Variants in AGBL1 observed in about 807,000 individuals in gnomAD.
AGBL1 encodes AGBL carboxypeptidase 1, also known as cytosolic carboxypeptidase 4.
Under a neutral mutation model 118.9 loss-of-function variants are expected in AGBL1, and 130 were observed. That is an observed-to-expected ratio of 1.09 (90% CI 0.95 to 1.26). AGBL1 has a LOEUF of 1.26. Ranked by LOEUF, AGBL1 falls within the 50% of genes most tolerant of loss-of-function variation. AGBL1 has a pLI of 0.00. For missense variants in AGBL1, 1,584 were observed against 1,298.1 expected, an observed-to-expected ratio of 1.22 and a Z score of -3.38; for synonymous variants, 555 against 478.9, an observed-to-expected ratio of 1.16 and a Z score of -2.08.
intron 22 of AGBL1, among the ~76,000 whole-genome samples, chr15:86,788,039 T>C (rs751439543): frequency 7.2e-5 from 11 of 152,168 alleles, no homozygotes; most frequent in Non-Finnish European, 1.3e-4. Flanking sequence ...CAAAGAAATG[T>C]ACATCAACTT....
chr15:86,606,272 G>T (rs1268625777), intron 21 of AGBL1, among the ~76,000 whole-genome samples: 1 of 152,132 alleles, frequency 6.6e-6, no homozygotes, highest in Non-Finnish European at 1.5e-5. Context: ...ATATTTGGGG[G>T]AGTGAAAACA....
chr15:86,564,043 C>A (rs915631119), intron 21 of AGBL1, among the ~76,000 whole-genome samples: 7 of 152,108 alleles, frequency 4.6e-5, no homozygotes, highest in Non-Finnish European at 7.4e-5. Context: ...TGAGATGGGT[C>A]TCCTGAATAC....
At chr15:86,694,070 C>T (rs931963211) in intron 22 of AGBL1, among the ~76,000 whole-genome samples, 4 of 152,034 alleles carry the variant, frequency 2.6e-5, no homozygotes, top group African/African-American at 9.7e-5. Flanking sequence ...CTTGCTTTGG[C>T]TATGCAGGCT....
chr15:86,880,241 TTA>T (rs1461551750), intron 22 of AGBL1, among the ~76,000 whole-genome samples: 1 of 152,200 alleles, frequency 6.6e-6, no homozygotes, highest in Admixed American at 6.5e-5. Context: ...CACTATAAAA[TTA>T]TGTCAGTGAT....
intron 22 of AGBL1, among the ~76,000 whole-genome samples, chr15:86,677,372 G>A (rs1006182475): frequency 3.3e-5 from 5 of 152,060 alleles, no homozygotes; most frequent in African/African-American, 1.2e-4. Flanking sequence ...GCATACTCAC[G>A]AAAGCATCTT....
intron 21 of AGBL1, among the ~76,000 whole-genome samples, chr15:86,628,346 C>G (rs916749235): frequency 2.0e-5 from 3 of 152,128 alleles, no homozygotes; most frequent in African/African-American, 7.2e-5. Context: ...GTTTGAGTCC[C>G]AACTCCTTAT....
intron 1 of AGBL1, among the ~76,000 whole-genome samples, chr15:86,091,460 C>T (rs1896020049): frequency 6.6e-6 from 1 of 152,224 alleles, no homozygotes; most frequent in African/African-American, 2.4e-5. Context: ...CACTCAGCAG[C>T]TGTAACATGT....
intron 22 of AGBL1, among the ~76,000 whole-genome samples, chr15:86,688,804 C>T (rs186425725): frequency 6.6e-6 from 1 of 152,212 alleles, no homozygotes; most frequent in African/African-American, 2.4e-5. Context: ...ATAAAACTAT[C>T]ACCACAATCA....
In AGBL1 at chr15:86,271,626, G is replaced by A. The variant is rs1286456467; in HGVS notation, c.1995G>A (p.Gln665=). ...CTTTCTGATTTTGTGTAGGGATGCA[G>A]CCCACCCTATATTCTGTGAAGGAGG... ...KPNSQFNYGM[Q]PTLYSVKEAL... is the part of the protein sequence containing the mutation. The change falls in exon 15 of 23, where the codon CAG becomes CAA. Residue 665 remains glutamine, a synonymous_variant. Coordinates refer to ENST00000614907, the MANE Select transcript of AGBL1 (RefSeq NM_001386094.1). 3 of 1,610,668 alleles carry A rather than the reference G, an allele frequency of 1.9e-6. No homozygotes were observed. Among genetic ancestry groups the A allele is most frequent in the South Asian group, 1.1e-5 (1 of 91,008 alleles).
At chr15:86,141,969 A>G in intron 1 of AGBL1, 35 bp from the exon 2 acceptor site, 3 of 1,544,548 alleles carry the variant, frequency 1.9e-6, no homozygotes, top group Non-Finnish European at 2.6e-6. Context: ...TTCCTCTTGC[A>G]TTCTTAAATA....
chr15:86,505,529 C>T (rs2881462), intron 18 of AGBL1, among the ~76,000 whole-genome samples: 5,103 of 151,928 alleles, frequency 0.034, 133 homozygotes, highest in East Asian at 0.072. Context: ...TTTCTGTCTG[C>T]GCAAAACTTC....
At chr15:86,835,073 C>G (rs1409800164) in intron 22 of AGBL1, among the ~76,000 whole-genome samples, 1 of 152,124 alleles carries the variant, frequency 6.6e-6, no homozygotes, top group Non-Finnish European at 1.5e-5. Context: ...CTTCCCTTTT[C>G]CAGGCTCTTG....
rs574277558 is a variant in AGBL1 at position 86,527,121 on chromosome 15, A to G, written c.2685+4182A>G. 2.2e-4 allele frequency among the ~76,000 whole-genome samples: 33 copies of G among 152,354 alleles called. 1 individual carries two copies. The South Asian group carries it at 6.2e-3, about 29-fold the overall frequency. On this transcript the variant is annotated intron_variant, in intron 19 of 22. Transcript: ENST00000614907. The stretch of plus-strand genomic sequence containing the variant: ...TGCAGTCTACCCTCTGGAAGCAAGC[A>G]CATGGCCTGCACAGCAGGTCACAAT...
rs192351380 is a variant in AGBL1, at chr15:86,350,253, T to A, written c.2375-47113T>A. ...AATTGCTATTCTCAATTTGGAAATA[T>A]GAGGGAGGTGAAACTCACAAAAAGA... On this transcript the variant is annotated intron_variant, in intron 17 of 22. Transcript: ENST00000614907. Among the ~76,000 whole-genome samples the A allele has an allele frequency of 3.1e-3, 472 of 152,324 alleles. 2 individuals are homozygous for A. The highest frequency in any genetic ancestry group is 0.011 in the African/African-American group (450 of 41,574).
At chr15:86,517,298 A>G (rs2083133366) in intron 18 of AGBL1, among the ~76,000 whole-genome samples, 1 of 152,202 alleles carries the variant, frequency 6.6e-6, no homozygotes, top group African/African-American at 2.4e-5. Flanking sequence ...CTTTCACTTT[A>G]ATGTGCATAC....
chr15:86,696,099 A>G (rs2086252694), intron 22 of AGBL1, among the ~76,000 whole-genome samples: 1 of 151,912 alleles, frequency 6.6e-6, no homozygotes, highest in Admixed American at 6.6e-5. Flanking sequence ...TATCAGGTTC[A>G]TTTGTTTTAG....
intron 22 of AGBL1, among the ~76,000 whole-genome samples, chr15:86,860,335 T>G (rs964109118): frequency 2.0e-5 from 3 of 152,050 alleles, no homozygotes; most frequent in Non-Finnish European, 4.4e-5. Context: ...CTATAACAAC[T>G]ACATCAAGAG....
chr15:87,017,534 T>C (rs1594751), intron 24 of AGBL1, among the ~76,000 whole-genome samples: 137,508 of 152,156 alleles, frequency 0.9, 62,211 homozygotes, highest in South Asian at 0.98. Context: ...CCCTAGAAAA[T>C]GGCAGCAGTC....
intron 23 of AGBL1, among the ~76,000 whole-genome samples, chr15:86,958,168 G>A (rs963846142): frequency 2.7e-5 from 4 of 150,278 alleles, no homozygotes; most frequent in African/African-American, 7.4e-5. Context: ...TTGTGCCACT[G>A]CACTCCAGCC....
Sources: allele counts gnomAD v4.1 joint callset (sites outside exome capture counted in the v4.1 genomes callset), GRCh38; gene constraint gnomAD v4.1.1; transcripts MANE v1.5; gene names NCBI Gene and HGNC (gene_info 2026-07-23, HGNC 2026-07-21).